Variants in SLIT3 observed in about 807,000 individuals in gnomAD.
SLIT3 encodes slit homolog 3 protein.
SLIT3 carries 68 observed loss-of-function variants against 184.0 expected under a neutral mutation model. The observed-to-expected ratio is 0.37, with a 90% CI of 0.30 to 0.45. The LOEUF (loss-of-function observed/expected upper bound fraction) is 0.45, where lower values mean the gene tolerates loss of function less well. SLIT3 is among the 20% of genes least tolerant of loss of function. SLIT3 has a pLI of 1.00. For missense variants in SLIT3, 1,707 were observed against 2,026.0 expected, an observed-to-expected ratio of 0.84 and a Z score of 3.02; for synonymous variants, 831 against 828.6, an observed-to-expected ratio of 1.00 and a Z score of -0.05.
At chr5:169,044,587 T>TGGGGGGGGGGGGGGGGGGGGGG (rs57256659) in intron 4 of SLIT3, among the ~76,000 whole-genome samples, 1 of 70,672 alleles carries the variant, frequency 1.4e-5, no homozygotes. Flanking sequence ...TGGAGGAAGG[T>TGGGGGGGGGGGGGGGGGGGGGG]GGGGGGGGGG....
At chr5:169,079,793 A>G (rs1310373281) in intron 4 of SLIT3, among the ~76,000 whole-genome samples, 14 of 40,946 alleles carry the variant, frequency 3.4e-4, no homozygotes, top group African/African-American at 1.7e-3. Context: ...GAGGAGGAGG[A>G]GGGAGGAAGA....
At chr5:168,746,090 T>C (rs998366254) in intron 20 of SLIT3, among the ~76,000 whole-genome samples, 3 of 152,236 alleles carry the variant, frequency 2.0e-5, no homozygotes, top group Non-Finnish European at 2.9e-5. Flanking sequence ...CGATATGCAC[T>C]GGGAAACCAA....
intron 3 of SLIT3, among the ~76,000 whole-genome samples, chr5:169,207,370 TACACACACAC>T (rs56721949): frequency 2.6e-3 from 338 of 131,926 alleles, no homozygotes; most frequent in South Asian, 0.015. Context: ...TACACATACA[TACACACACAC>T]ACACACACAC....
In SLIT3 at chr5:169,135,701, G is replaced by A. The variant is rs569442680; in HGVS notation, c.413+57778C>T. ...GTGGGATGCACACAAAAAACATCAGGAAGTCGCAAAATACTGGAAGCTGGA... is the reference window on the plus strand; with the variant it reads ...GTGGGATGCACACAAAAAACATCAGAAAGTCGCAAAATACTGGAAGCTGGA... On this transcript the variant is annotated intron_variant, in intron 4 of 35. Coordinates refer to ENST00000519560, the MANE Select transcript of SLIT3 (RefSeq NM_003062.4). Among the ~76,000 whole-genome samples the A allele has an allele frequency of 3.3e-5, 5 of 152,258 alleles. No homozygotes were observed. In the East Asian group the frequency reaches 7.7e-4, roughly 23 times the overall value.
intron 4 of SLIT3, among the ~76,000 whole-genome samples, chr5:169,035,710 T>TAC (rs1757218499): frequency 6.7e-6 from 1 of 149,540 alleles, no homozygotes. Flanking sequence ...ACAAAGTGAG[T>TAC]ACCACGATAA....
At chr5:169,240,424 CATACAA>C in intron 3 of SLIT3, among the ~76,000 whole-genome samples, 2 of 151,668 alleles carry the variant, frequency 1.3e-5, no homozygotes, top group South Asian at 4.2e-4. Flanking sequence ...TTTTTAGACA[CATACAA>C]ATACAGATTT....
At chr5:169,159,183 G>A (rs912508138) in intron 4 of SLIT3, among the ~76,000 whole-genome samples, 7 of 152,002 alleles carry the variant, frequency 4.6e-5, no homozygotes, top group African/African-American at 1.7e-4. Context: ...TCAAGAGTTC[G>A]AGACCAGCCT....
intron 1 of SLIT3, among the ~76,000 whole-genome samples, chr5:169,254,990 T>C (rs1446916901): frequency 6.6e-6 from 1 of 152,220 alleles, no homozygotes; most frequent in East Asian, 1.9e-4. Context: ...GGATGGCATA[T>C]CTGATGGTGG....
At chr5:168,927,584 G>C (rs1656464224) in intron 4 of SLIT3, among the ~76,000 whole-genome samples, 1 of 152,186 alleles carries the variant, frequency 6.6e-6, no homozygotes, top group South Asian at 2.1e-4. Flanking sequence ...CAACACCGGA[G>C]ACCCCTGGGA....
chr5:169,059,019 C>T (rs889124282), intron 4 of SLIT3, among the ~76,000 whole-genome samples: 1 of 152,170 alleles, frequency 6.6e-6, no homozygotes, highest in Non-Finnish European at 1.5e-5. Context: ...GAGAGTTTGC[C>T]AAGGGAGCTG....
At chr5:169,242,687 G>A (rs1348880584) in intron 3 of SLIT3, among the ~76,000 whole-genome samples, 3 of 152,126 alleles carry the variant, frequency 2.0e-5, no homozygotes, top group Non-Finnish European at 4.4e-5. Context: ...ATAAGTAAAC[G>A]TCCACTGTGT....
intron 1 of SLIT3, among the ~76,000 whole-genome samples, chr5:169,292,277 T>C (rs1483561737): frequency 6.6e-6 from 1 of 152,154 alleles, no homozygotes; most frequent in Non-Finnish European, 1.5e-5. Flanking sequence ...ACATACACAT[T>C]CAACATACAC....
intron 5 of SLIT3, among the ~76,000 whole-genome samples, chr5:168,874,381 C>CT (rs1340053137): frequency 6.6e-6 from 1 of 152,170 alleles, no homozygotes; most frequent in Admixed American, 6.5e-5. Flanking sequence ...AAACGGGAGT[C>CT]TCTTTGTTCT....
chr5:169,284,949 C>G (rs1000071096), intron 1 of SLIT3, among the ~76,000 whole-genome samples: 2 of 151,962 alleles, frequency 1.3e-5, no homozygotes, highest in African/African-American at 4.8e-5. Context: ...CACACTCTGT[C>G]ACCCAGGATA....
intron 4 of SLIT3, among the ~76,000 whole-genome samples, chr5:168,923,825 T>C (rs1761719660): frequency 6.6e-6 from 1 of 152,220 alleles, no homozygotes; most frequent in South Asian, 2.1e-4. Flanking sequence ...CAATATCTTT[T>C]AAAGGCTTCT....
At chr5:169,201,746 AGGAG>A (rs1173978418) in intron 3 of SLIT3, among the ~76,000 whole-genome samples, 4 of 152,216 alleles carry the variant, frequency 2.6e-5, no homozygotes, top group East Asian at 3.8e-4. Flanking sequence ...AAGAGAAGGA[AGGAG>A]GAAGTACATC....
intron 4 of SLIT3, among the ~76,000 whole-genome samples, chr5:168,985,837 T>C (rs77447992): frequency 0.017 from 2,593 of 151,642 alleles, 165 homozygotes; most frequent in Admixed American, 0.11. Context: ...GGAGGGATGA[T>C]GGCGGGGGGT....
intron 4 of SLIT3, among the ~76,000 whole-genome samples, chr5:169,005,186 T>C (rs970750876): frequency 6.6e-6 from 1 of 152,182 alleles, no homozygotes; most frequent in South Asian, 2.1e-4. Context: ...AGCATAACTT[T>C]TATATGAACT....
chr5:168,978,374 T>A (rs1490746841), intron 4 of SLIT3, among the ~76,000 whole-genome samples: 1 of 152,236 alleles, frequency 6.6e-6, no homozygotes, highest in African/African-American at 2.4e-5. Context: ...TTGTGAATGT[T>A]TTATTGTAGT....
Sources: allele counts gnomAD v4.1 joint callset (sites outside exome capture counted in the v4.1 genomes callset), GRCh38; gene constraint gnomAD v4.1.1; transcripts MANE v1.5; gene names NCBI Gene and HGNC (gene_info 2026-07-23, HGNC 2026-07-21).